RSPRY1: variants seen among roughly 807,000 people sequenced by gnomAD.
RSPRY1 encodes ring finger and SPRY domain containing 1.
A neutral mutation model predicts 73.1 loss-of-function variants in RSPRY1; 23 were observed. The observed-to-expected ratio is 0.31, with a 90% CI of 0.23 to 0.45. The LOEUF (loss-of-function observed/expected upper bound fraction) is 0.45, where lower values mean the gene tolerates loss of function less well. Among genes scored for constraint, RSPRY1 ranks in the 20% least tolerant of loss-of-function variants. RSPRY1 has a pLI of 1.00. For synonymous variants in RSPRY1, 226 were observed against 251.4 expected, an observed-to-expected ratio of 0.90 and a Z score of 0.95; for missense variants, 448 against 698.7, an observed-to-expected ratio of 0.64 and a Z score of 4.05.
At chr16:57,223,837 G>T (rs1300760666) in intron 10 of RSPRY1, among the ~76,000 whole-genome samples, 1 of 152,142 alleles carries the variant, frequency 6.6e-6, no homozygotes, top group African/African-American at 2.4e-5. Context: ...ACACTTTTGT[G>T]AGGTCTTTCA....
At chr16:57,210,358 G>C (rs138912532) in intron 4 of RSPRY1, among the ~76,000 whole-genome samples, 2 of 152,100 alleles carry the variant, frequency 1.3e-5, no homozygotes, top group African/African-American at 4.8e-5. Context: ...GGGATTATAC[G>C]TGTAAGCCAC....
At chr16:57,188,648 C>G (rs1223831087) in intron 1 of RSPRY1, among the ~76,000 whole-genome samples, 2 of 152,050 alleles carry the variant, frequency 1.3e-5, no homozygotes, top group Non-Finnish European at 2.9e-5. Flanking sequence ...TCCGGAGTAG[C>G]TGGGATTACA....
At chr16:57,209,725 G>A (rs752053805) in intron 4 of RSPRY1, among the ~76,000 whole-genome samples, 1 of 152,088 alleles carries the variant, frequency 6.6e-6, no homozygotes, top group Non-Finnish European at 1.5e-5. Context: ...CCAGGCTGGC[G>A]TGCAGTAGAG....
At chr16:57,213,851 A>G (rs2074890867) in intron 5 of RSPRY1, 37 bp from the exon 6 acceptor site, 1 of 1,426,738 alleles carries the variant, frequency 7.0e-7, no homozygotes, top group East Asian at 2.3e-5. Context: ...ATAATCTGGC[A>G]TTTTAATTAT....
intron 11 of RSPRY1, among the ~76,000 whole-genome samples, chr16:57,228,348 G>C (rs1192159951): frequency 6.7e-6 from 1 of 149,254 alleles, no homozygotes; most frequent in Admixed American, 6.6e-5. Context: ...TGATTAAATT[G>C]GTGGTGTGGG....
At chr16:57,187,352 G>A (rs2074243014) in intron 1 of RSPRY1, among the ~76,000 whole-genome samples, 1 of 152,170 alleles carries the variant, frequency 6.6e-6, no homozygotes, top group African/African-American at 2.4e-5. Flanking sequence ...GCGGTCGGCT[G>A]AGACTCCGAG....
Position 57,193,708 on chromosome 16 carries a change from T to G in RSPRY1, c.-156+7257T>G, listed in dbSNP as rs116308702. ...ATGTTTCTAGATAATGTTCTCTATCTTGATAGGGTTTGAGTCACAGGTATA... is the reference window on the plus strand; with the variant it reads ...ATGTTTCTAGATAATGTTCTCTATCGTGATAGGGTTTGAGTCACAGGTATA... On this transcript the variant is annotated intron_variant, in intron 1 of 14. Transcript: ENST00000394420. Among the ~76,000 whole-genome samples, 1,085 of 152,322 alleles carry G rather than the reference T, an allele frequency of 7.1e-3. 12 individuals carry two copies. Among genetic ancestry groups the G allele is most frequent in the African/African-American group, 0.025 (1,045 of 41,562 alleles).
At chr16:57,194,527 T>C (rs1382641624) in intron 1 of RSPRY1, among the ~76,000 whole-genome samples, 2 of 152,192 alleles carry the variant, frequency 1.3e-5, no homozygotes, top group Admixed American at 6.5e-5. Flanking sequence ...TTTCAGGATG[T>C]TACACATTTT....
rs1223476756 is a variant in RSPRY1 at position 57,240,001 on chromosome 16, C to T, written c.*1026C>T. On this transcript the variant is annotated 3_prime_UTR_variant, in exon 15 of 15. Transcript: ENST00000394420. The stretch of plus-strand genomic sequence containing the variant: ...TATGTCTTCATCAAAAGTGTTAATC[C>T]CTCTCAGGGTCTCTGGTGAAGACCT... 1 of 151,822 alleles carries T rather than the reference C, an allele frequency of 6.6e-6. No homozygotes were observed. The highest frequency in any genetic ancestry group is 1.5e-5 in the Non-Finnish European group (1 of 67,942). 9.4% of individuals were successfully genotyped at this position (151,822 alleles called of 1,614,324 possible). A position where few individuals can be genotyped will look rare whatever the true frequency, so the allele number is the denominator to read the frequency against.
intron 4 of RSPRY1, among the ~76,000 whole-genome samples, chr16:57,209,849 T>C (rs576542007): frequency 5.3e-5 from 8 of 150,046 alleles, no homozygotes; most frequent in African/African-American, 2.0e-4. Context: ...TAATTTTGTA[T>C]TTTTTTTTAG....
rs1355636789 is a variant in RSPRY1 at position 57,239,887 on chromosome 16, A to C, written c.*912A>C. 6.6e-6 allele frequency: 1 copy of C among 152,198 alleles called. No individual in the cohort carries two copies. Among genetic ancestry groups the C allele is most frequent in the African/African-American group, 2.4e-5 (1 of 41,468 alleles). The allele number at this position is 152,198 out of a possible 1,614,324, so 9.4% of individuals were successfully genotyped here. Reference sequence around the variant, plus strand: ...TTGAAACTCTTGAACTAATAGTCTCAAAAACTCTAGAGGACAGTCTGAGAA... The same window carrying C: ...TTGAAACTCTTGAACTAATAGTCTCCAAAACTCTAGAGGACAGTCTGAGAA... On this transcript the variant is annotated 3_prime_UTR_variant, in exon 15 of 15. Transcript: ENST00000394420.
intron 1 of RSPRY1, among the ~76,000 whole-genome samples, chr16:57,187,480 C>G (rs1308475789): frequency 6.6e-6 from 1 of 152,090 alleles, no homozygotes; most frequent in African/African-American, 2.4e-5. Context: ...TTTTCCAGGC[C>G]CTTTACCTAC....
intron 3 of RSPRY1, 94 bp from the exon 4 acceptor site, chr16:57,208,981 A>C: frequency 1.2e-6 from 1 of 813,216 alleles, no homozygotes; most frequent in Non-Finnish European, 1.9e-6. Context: ...ATAGACCAAA[A>C]GTCTTTCTTT....
chr16:57,240,305 G>A lies in RSPRY1; in HGVS notation c.*1330G>A, dbSNP rs1480050231. ...TCCTGGCTGTACATGTTGGGGTGCT[G>A]GATTTTTTTCCGTGTCTTTAGTCTT... is the stretch of plus-strand genomic sequence containing the variant. On this transcript the variant is annotated 3_prime_UTR_variant, in exon 15 of 15. Coordinates refer to ENST00000394420, the MANE Select transcript of RSPRY1 (RefSeq NM_133368.3). 1 of 150,360 alleles carries A rather than the reference G, an allele frequency of 6.7e-6. No individual in the cohort carries two copies. The highest frequency in any genetic ancestry group is 1.5e-5 in the Non-Finnish European group (1 of 67,714). 9.3% of individuals were successfully genotyped at this position (150,360 alleles called of 1,614,324 possible).
chr16:57,199,365 GCCTGTAATC>G (rs1473765370), intron 1 of RSPRY1, among the ~76,000 whole-genome samples: 8 of 152,172 alleles, frequency 5.3e-5, no homozygotes, highest in African/African-American at 1.4e-4. Flanking sequence ...GGTGGCGTGC[GCCTGTAATC>G]CCAGCTACTC....
At chr16:57,224,501 T>C (rs986684306) in intron 10 of RSPRY1, 1 of 152,250 alleles carries the variant, frequency 6.6e-6, no homozygotes, top group African/African-American at 2.4e-5. Context: ...ATTGCTAAAA[T>C]ATGCATGACC....
Position 57,239,901 on chromosome 16 carries a change from A to G in RSPRY1, c.*926A>G, listed in dbSNP as rs2075354426. The G allele has an allele frequency of 6.6e-6, 1 of 152,164 alleles. No individual in the cohort carries two copies. Among genetic ancestry groups the G allele is most frequent in the Admixed American group, 6.5e-5 (1 of 15,280 alleles). The allele number at this position is 152,164 out of a possible 1,614,324, so 9.4% of individuals were successfully genotyped here. ...CTAATAGTCTCAAAAACTCTAGAGGACAGTCTGAGAACACGTATTTCTATT... is the reference window on the plus strand; with the variant it reads ...CTAATAGTCTCAAAAACTCTAGAGGGCAGTCTGAGAACACGTATTTCTATT... On this transcript the variant is annotated 3_prime_UTR_variant, in exon 15 of 15. Coordinates refer to ENST00000394420, the MANE Select transcript of RSPRY1 (RefSeq NM_133368.3).
chr16:57,214,889 C>T (rs1183384795), intron 6 of RSPRY1, among the ~76,000 whole-genome samples: 1 of 152,132 alleles, frequency 6.6e-6, no homozygotes, highest in African/African-American at 2.4e-5. Flanking sequence ...ATTAGCTGGG[C>T]ATGGTGGCAT....
At position 57,220,737 on chromosome 16, in the gene RSPRY1, A is replaced by G. The variant is rs1164937039; in HGVS notation, c.907A>G (p.Lys303Glu). The G allele has an allele frequency of 6.2e-7, 1 of 1,609,324 alleles. No individual in the cohort carries two copies. Among genetic ancestry groups the G allele is most frequent in the Non-Finnish European group, 8.5e-7 (1 of 1,175,874 alleles). ...AQWSLDNLFL[K>E]EGRQLTYEKV... is the part of the protein sequence containing the mutation. ...GAACACTCTTTCTTTTGCAGTTTTA[A>G]AAGAAGGTAGACAGCTGACCTATGA... Residue 303 changes from lysine (K) to glutamate (E), a missense_variant, in exon 9 of 15, where the codon AAA (lysine) becomes GAA (glutamate). Coordinates refer to ENST00000394420, the MANE Select transcript of RSPRY1 (RefSeq NM_133368.3).
Sources: gnomAD v4.1 joint callset for allele counts (sites outside exome capture counted in the v4.1 genomes callset) on GRCh38, gnomAD v4.1.1 for gene constraint, MANE v1.5 for transcripts, NCBI Gene and HGNC (gene_info 2026-07-23, HGNC 2026-07-21) for gene names.